The following PLCL1 variants were observed in gnomAD, a reference collection of about 807,000 sequenced individuals.
PLCL1 encodes inactive phospholipase C-like protein 1.
In PLCL1, 41 loss-of-function variants were observed where a neutral mutation model predicts 84.4. The ratio of observed to expected loss-of-function variants is 0.49; its 90% CI spans 0.38 to 0.63. The LOEUF is 0.63. Among genes scored for constraint, PLCL1 ranks in the 30% least tolerant of loss-of-function variants. The pLI is 0.00. For synonymous variants in PLCL1, 490 were observed against 488.3 expected, an observed-to-expected ratio of 1.00 and a Z score of -0.05; for missense variants, 1,206 against 1,367.8, an observed-to-expected ratio of 0.88 and a Z score of 1.87.
At chr2:198,140,906 C>T (rs546977486) in intron 5 of PLCL1, among the ~76,000 whole-genome samples, 13 of 152,144 alleles carry the variant, frequency 8.5e-5, no homozygotes, top group African/African-American at 3.1e-4. Flanking sequence ...TAAAATACAT[C>T]CTTTATGTAA....
intron 1 of PLCL1, among the ~76,000 whole-genome samples, chr2:197,952,617 T>C (rs983258220): frequency 1.3e-5 from 2 of 152,152 alleles, no homozygotes; most frequent in African/African-American, 4.8e-5. Flanking sequence ...CCTACATCAT[T>C]GCACTTGTGT....
intron 1 of PLCL1, among the ~76,000 whole-genome samples, chr2:198,007,377 C>A (rs1169685145): frequency 6.6e-6 from 1 of 152,066 alleles, no homozygotes; most frequent in African/African-American, 2.4e-5. Context: ...AACCTACTGG[C>A]TGTTTAGTTA....
At chr2:198,079,166 T>C (rs1692650834) in intron 1 of PLCL1, among the ~76,000 whole-genome samples, 1 of 151,890 alleles carries the variant, frequency 6.6e-6, no homozygotes, top group South Asian at 2.1e-4. Context: ...TCCAATCTTA[T>C]TGGGCTTAGG....
intron 1 of PLCL1, among the ~76,000 whole-genome samples, chr2:198,077,487 T>G (rs1008923876): frequency 2.0e-5 from 3 of 152,176 alleles, no homozygotes; most frequent in African/African-American, 7.2e-5. Context: ...CTGTGGAAGC[T>G]CATTCTCCTG....
In PLCL1 at chr2:197,921,609, C is replaced by T. The variant is rs1044024783; in HGVS notation, c.240+116270C>T. ...CCTAATACTTGGAGAAACAAGCATA[C>T]CTGTACTTACCCACCAAAATCTCTA... On this transcript the variant is annotated intron_variant, in intron 1 of 5. Transcript: ENST00000428675. 1.1e-4 allele frequency among the ~76,000 whole-genome samples: 16 copies of T among 152,232 alleles called. No homozygotes were observed. The Middle Eastern group carries it at 0.014, about 129-fold the overall frequency.
chr2:197,852,168 TATC>T (rs2105683374), intron 1 of PLCL1, among the ~76,000 whole-genome samples: 1 of 152,052 alleles, frequency 6.6e-6, no homozygotes, highest in Non-Finnish European at 1.5e-5. Flanking sequence ...AGGGCAAAAA[TATC>T]ATTCAAGGCA....
chr2:197,880,722 A>C (rs1292054236), intron 1 of PLCL1, among the ~76,000 whole-genome samples: 1 of 152,158 alleles, frequency 6.6e-6, no homozygotes, highest in East Asian at 1.9e-4. Flanking sequence ...AAAGAGATGA[A>C]ATCTCACTGA....
chr2:198,115,307 C>T (rs754329113), intron 5 of PLCL1, among the ~76,000 whole-genome samples: 3 of 151,746 alleles, frequency 2.0e-5, no homozygotes, highest in Non-Finnish European at 4.4e-5. Flanking sequence ...TGGACACAAA[C>T]AGACAAACAG....
intron 1 of PLCL1, among the ~76,000 whole-genome samples, chr2:197,857,632 A>C (rs1324552692): frequency 2.0e-5 from 3 of 152,158 alleles, no homozygotes; most frequent in African/African-American, 4.8e-5. Context: ...TTTTCTAGTG[A>C]AGGTCATTTG....
At chr2:198,119,420 A>G (rs1693820156) in intron 5 of PLCL1, among the ~76,000 whole-genome samples, 1 of 151,918 alleles carries the variant, frequency 6.6e-6, no homozygotes, top group African/African-American at 2.4e-5. Context: ...GGCTTTGCTT[A>G]CCTCCGTGTC....
intron 1 of PLCL1, among the ~76,000 whole-genome samples, chr2:198,049,500 G>GTGTT (rs1691878798): frequency 6.6e-6 from 1 of 152,130 alleles, no homozygotes; most frequent in Admixed American, 6.5e-5. Flanking sequence ...TGGACTTTGA[G>GTGTT]TGTTAGTGTT....
Position 197,925,612 on chromosome 2 carries a change from A to G in PLCL1, c.240+120273A>G, listed in dbSNP as rs147686883. On this transcript the variant is annotated intron_variant, in intron 1 of 5. Coordinates refer to ENST00000428675, the MANE Select transcript of PLCL1 (RefSeq NM_006226.4). ...TGTACCCACATCTTCTCAAGTGTGT[A>G]TCTTATGGAGGAAATCATATGTTGT... Among the ~76,000 whole-genome samples, 300 of 152,298 alleles carry G rather than the reference A, an allele frequency of 2.0e-3. 1 individual carries two copies. Among genetic ancestry groups the G allele is most frequent in the African/African-American group, 6.7e-3 (280 of 41,568 alleles).
chr2:198,000,804 G>A (rs1420429805), intron 1 of PLCL1, among the ~76,000 whole-genome samples: 1 of 151,294 alleles, frequency 6.6e-6, no homozygotes, highest in African/African-American at 2.4e-5. Flanking sequence ...AACTTTTAAG[G>A]TCCATATTTC....
chr2:197,890,735 C>T (rs1205407388), intron 1 of PLCL1, among the ~76,000 whole-genome samples: 10 of 112,798 alleles, frequency 8.9e-5, no homozygotes, highest in African/African-American at 2.2e-4. Flanking sequence ...TGCATATGTA[C>T]GTATATATGT....
chr2:198,004,469 C>T (rs55678164), intron 1 of PLCL1, among the ~76,000 whole-genome samples: 4,143 of 152,124 alleles, frequency 0.027, 76 homozygotes, highest in Non-Finnish European at 0.041. Flanking sequence ...GGCTTACTTC[C>T]AACATTAATT....
At chr2:197,983,550 TA>T (rs1241979714) in intron 1 of PLCL1, among the ~76,000 whole-genome samples, 1 of 152,142 alleles carries the variant, frequency 6.6e-6, no homozygotes, top group Non-Finnish European at 1.5e-5. Flanking sequence ...GCATTTTCTA[TA>T]AAAGGTTTAT....
intron 1 of PLCL1, among the ~76,000 whole-genome samples, chr2:197,925,516 T>C (rs998276333): frequency 5.9e-5 from 9 of 152,148 alleles, no homozygotes; most frequent in African/African-American, 2.2e-4. Flanking sequence ...TGTAATTGGG[T>C]CAAATCATAA....
chr2:197,962,350 G>A (rs986205858), intron 1 of PLCL1, among the ~76,000 whole-genome samples: 1 of 152,060 alleles, frequency 6.6e-6, no homozygotes, highest in African/African-American at 2.4e-5. Context: ...TATCCTTAGT[G>A]ACTTCAAAAT....
chr2:198,127,012 G>GTGTGT (rs144423192), intron 5 of PLCL1, among the ~76,000 whole-genome samples: 134 of 92,856 alleles, frequency 1.4e-3, no homozygotes, highest in Non-Finnish European at 2.7e-3. Context: ...GTGTGTGTGT[G>GTGTGT]GGGGGTGGTG....
Sources: gnomAD v4.1 joint callset for allele counts (sites outside exome capture counted in the v4.1 genomes callset) on GRCh38, gnomAD v4.1.1 for gene constraint, MANE v1.5 for transcripts, NCBI Gene and HGNC (gene_info 2026-07-23, HGNC 2026-07-21) for gene names.